Variants in PIK3AP1 observed in about 807,000 individuals in gnomAD.
The protein encoded by PIK3AP1 is phosphoinositide-3-kinase adaptor protein 1.
Under a neutral mutation model 88.1 loss-of-function variants are expected in PIK3AP1, and 21 were observed. The ratio of observed to expected loss-of-function variants is 0.24; its 90% CI spans 0.17 to 0.34. PIK3AP1 has a LOEUF of 0.34. Ranked by LOEUF, PIK3AP1 falls within the 10% of genes least tolerant of loss-of-function variation. The probability of loss-of-function intolerance (pLI) is 1.00; values close to 1 mark genes in which losing one functional copy is unlikely to be tolerated. For missense variants in PIK3AP1, 828 were observed against 1,035.7 expected (o/e 0.80, Z 2.75); for synonymous variants, 398 against 400.0 (o/e 1.00, Z 0.06).
At chr10:96,677,357 G>T (rs1843937558) in intron 2 of PIK3AP1, among the ~76,000 whole-genome samples, 1 of 152,036 alleles carries the variant, frequency 6.6e-6, no homozygotes, top group African/African-American at 2.4e-5. Flanking sequence ...ATACCCTGAA[G>T]TAAAACTTGG....
intron 13 of PIK3AP1, among the ~76,000 whole-genome samples, chr10:96,616,406 T>C (rs1442548786): frequency 6.6e-6 from 1 of 152,222 alleles, no homozygotes; most frequent in East Asian, 1.9e-4. Flanking sequence ...TGAATCCACT[T>C]ATTCACTTCC....
chr10:96,694,883 A>G (rs1844200693), intron 2 of PIK3AP1, among the ~76,000 whole-genome samples: 1 of 151,984 alleles, frequency 6.6e-6, no homozygotes, highest in South Asian at 2.1e-4. Flanking sequence ...CTGTTTCCCC[A>G]TCAAAGACTC....
intron 8 of PIK3AP1, among the ~76,000 whole-genome samples, chr10:96,635,067 G>C (rs1401656027): frequency 6.6e-6 from 1 of 152,010 alleles, no homozygotes; most frequent in African/African-American, 2.4e-5. Flanking sequence ...GATTATATTG[G>C]GCTCACCAAG....
At chr10:96,700,891 GC>G in intron 2 of PIK3AP1, 1 of 985,466 alleles carries the variant, frequency 1.0e-6, no homozygotes. Context: ...CAGGGCTGCT[GC>G]CTGTGACGCG....
rs530432650 is a variant in PIK3AP1 at position 96,667,641 on chromosome 10, A to T, written c.431-10707T>A. On this transcript the variant is annotated intron_variant, in intron 2 of 16. Transcript: ENST00000339364. ...ACCATGAGCCATGCACCCTGGTGAG[A>T]CCAGGATGATTCTAGAGTGTACAGC... 2.0e-5 allele frequency among the ~76,000 whole-genome samples: 3 copies of T among 152,294 alleles called. No homozygotes were observed. The East Asian group carries it at 5.8e-4, about 29-fold the overall frequency.
At position 96,604,045 on chromosome 10, in the gene PIK3AP1, G is replaced by A; in HGVS notation, c.2175C>T (p.Ser725=). 6.3e-7 allele frequency: 1 copy of A among 1,597,298 alleles called. No homozygotes were observed. The highest frequency in any genetic ancestry group is 8.6e-7 in the Non-Finnish European group (1 of 1,169,444). The part of the protein sequence containing the change: ...KTDSTSSTAS[S]TSNRSSTRSL... ...TCCGGGTGCTGGAGCGGTTACTTGT[G>A]CTACCTAAAGGGTAGAAAGAAAATC... Residue 725 remains serine (S), a synonymous_variant, in exon 15 of 17, where the codon AGC becomes AGT. Coordinates refer to ENST00000339364, the MANE Select transcript of PIK3AP1 (RefSeq NM_152309.3).
chr10:96,600,897 T>G (rs1375729669), intron 16 of PIK3AP1, among the ~76,000 whole-genome samples: 1 of 152,224 alleles, frequency 6.6e-6, no homozygotes, highest in Non-Finnish European at 1.5e-5. Flanking sequence ...TCTGCATCTG[T>G]GGACACACAG....
At chr10:96,652,951 T>C (rs2134235856) in intron 3 of PIK3AP1, 109 bp from the exon 4 acceptor site, 1 of 1,300,902 alleles carries the variant, frequency 7.7e-7, no homozygotes, top group Non-Finnish European at 1.1e-6. Flanking sequence ...AGTGAGAATC[T>C]CTGGGGACAG....
At chr10:96,633,273 T>C in intron 8 of PIK3AP1, 1 of 484,396 alleles carries the variant, frequency 2.1e-6, no homozygotes. Context: ...GGAAACATAG[T>C]TGACATTTGG....
intron 2 of PIK3AP1, among the ~76,000 whole-genome samples, chr10:96,678,855 A>G (rs1465450919): frequency 6.6e-6 from 1 of 152,182 alleles, no homozygotes; most frequent in Non-Finnish European, 1.5e-5. Context: ...AGGTTCAACA[A>G]CCTTCCAAAA....
At position 96,595,640 on chromosome 10, in the gene PIK3AP1, A is replaced by G. The variant is rs1480132282; in HGVS notation, c.2361-6T>C. 4 of 1,612,848 alleles carry G rather than the reference A, an allele frequency of 2.5e-6. No individual in the cohort carries two copies. Among genetic ancestry groups the G allele is most frequent in the South Asian group, 1.1e-5 (1 of 90,712 alleles). On this transcript the variant is annotated splice_polypyrimidine_tract_variant and splice_region_variant and intron_variant, in intron 16 of 16. Coordinates refer to ENST00000339364, the MANE Select transcript of PIK3AP1 (RefSeq NM_152309.3). Reference sequence around the variant, plus strand: ...AGGTCTCCCTGGTCGGAGGCCTAAAATGAAAGATAAGGCAACTCTATTTAA... The same window carrying G: ...AGGTCTCCCTGGTCGGAGGCCTAAAGTGAAAGATAAGGCAACTCTATTTAA...
intron 13 of PIK3AP1, among the ~76,000 whole-genome samples, chr10:96,615,444 G>C (rs1849200058): frequency 6.6e-6 from 1 of 152,224 alleles, no homozygotes; most frequent in Non-Finnish European, 1.5e-5. Flanking sequence ...CTAGGCAAGA[G>C]ATGATGTGGC....
intron 13 of PIK3AP1, among the ~76,000 whole-genome samples, chr10:96,613,340 G>A (rs1849160198): frequency 6.6e-6 from 1 of 152,090 alleles, no homozygotes; most frequent in African/African-American, 2.4e-5. Context: ...TAAATTTTAT[G>A]TTAGGCATAT....
chr10:96,700,938 G>GTCATGA, intron 2 of PIK3AP1: 18 of 955,944 alleles, frequency 1.9e-5, no homozygotes, highest in African/African-American at 3.5e-5. Context: ...GGACTACTGT[G>GTCATGA]CCCATAACAG....
chr10:96,612,962 A>G (rs866762745), intron 13 of PIK3AP1, among the ~76,000 whole-genome samples: 65 of 104,662 alleles, frequency 6.2e-4, no homozygotes, highest in African/African-American at 2.2e-3. Flanking sequence ...ATATATATAT[A>G]TATATATATA....
chr10:96,643,987 G>T (rs1042262247), intron 8 of PIK3AP1, among the ~76,000 whole-genome samples: 5 of 152,232 alleles, frequency 3.3e-5, no homozygotes, highest in Non-Finnish European at 7.3e-5. Flanking sequence ...CTTAGCATTT[G>T]GTAGCGAATG....
intron 14 of PIK3AP1, among the ~76,000 whole-genome samples, chr10:96,604,490 G>A (rs1848968571): frequency 6.6e-6 from 1 of 150,642 alleles, no homozygotes; most frequent in Non-Finnish European, 1.5e-5. Flanking sequence ...GAACCACTAT[G>A]TCCAGCCTTC....
At position 96,720,405 on chromosome 10, in the gene PIK3AP1, G is replaced by T; in HGVS notation, c.-11C>A. On this transcript the variant is annotated 5_prime_UTR_variant, in exon 1 of 17. Coordinates refer to ENST00000339364, the MANE Select transcript of PIK3AP1 (RefSeq NM_152309.3). The surrounding 1 kb of genome is among the most constrained non-coding windows in gnomAD (Gnocchi z 4.6). Reference sequence around the variant, plus strand: ...ACCTGAGGCTGCCATGCCGCGGGGCGCCGCTCACATCCCTGGCTCGCTGCG... The same window carrying T: ...ACCTGAGGCTGCCATGCCGCGGGGCTCCGCTCACATCCCTGGCTCGCTGCG... The T allele has an allele frequency of 8.1e-7, 1 of 1,237,640 alleles. No homozygotes were observed. The highest frequency in any genetic ancestry group is 3.2e-5 in the East Asian group (1 of 31,606). 76.7% of individuals were successfully genotyped at this position (1,237,640 alleles called of 1,614,324 possible).
chr10:96,609,662 A>G, intron 14 of PIK3AP1, 50 bp downstream of exon 14: 1 of 1,589,712 alleles, frequency 6.3e-7, no homozygotes, highest in Non-Finnish European at 8.6e-7. Context: ...CAAGGGTGCC[A>G]GCTGGAGCCC....
Sources: gnomAD v4.1 joint callset for allele counts (sites outside exome capture counted in the v4.1 genomes callset) on GRCh38, gnomAD v4.1.1 for gene constraint, Gnocchi (gnomAD v3.1) non-coding constraint, MANE v1.5 for transcripts, NCBI Gene and HGNC (gene_info 2026-07-23, HGNC 2026-07-21) for gene names.